Variants in AGMO observed in about 807,000 individuals in gnomAD.
The protein encoded by AGMO is glyceryl-ether monooxygenase.
In AGMO, 75 loss-of-function variants were observed where a neutral mutation model predicts 60.2. The observed-to-expected ratio is 1.25, with a 90% CI of 1.03 to 1.51. The LOEUF (loss-of-function observed/expected upper bound fraction) is 1.51. Among genes scored for constraint, AGMO ranks in the 40% most tolerant of loss-of-function variants. The pLI is 0.00. For missense variants in AGMO, 763 were observed against 525.5 expected, an observed-to-expected ratio of 1.45 and a Z score of -4.42; for synonymous variants, 261 against 177.1, an observed-to-expected ratio of 1.47 and a Z score of -3.76.
intron 10 of AGMO, among the ~76,000 whole-genome samples, chr7:15,367,992 C>T (rs1054127937): frequency 6.6e-6 from 1 of 152,074 alleles, no homozygotes; most frequent in Admixed American, 6.6e-5. Flanking sequence ...TTCATACCTT[C>T]TTAAAAACCA....
At position 15,354,350 on chromosome 7, in the gene AGMO, A is replaced by ATATAGACGTGTG. The variant is rs1249395712; in HGVS notation, c.1263+11152_1263+11163dup. Among the ~76,000 whole-genome samples, 3 of 95,778 alleles carry ATATAGACGTGTG rather than the reference A, an allele frequency of 3.1e-5. 1 individual carries two copies. Among genetic ancestry groups the ATATAGACGTGTG allele is most frequent in the Non-Finnish European group, 6.3e-5 (3 of 47,566 alleles). 62.8% of individuals were successfully genotyped at this position (95,778 alleles called of 152,430 possible). On this transcript the variant is annotated intron_variant, in intron 12 of 12. Transcript: ENST00000342526. Reference sequence around the variant, plus strand: ...CGTACGCGTGTATATACACGCGTGTATATAGACGTGTGTATATAGACGTGT... The same window carrying ATATAGACGTGTG: ...CGTACGCGTGTATATACACGCGTGTATATAGACGTGTGTATAGACGTGTGTATATAGACGTGT...
intron 12 of AGMO, among the ~76,000 whole-genome samples, chr7:15,225,152 A>G (rs1446293200): frequency 1.3e-5 from 2 of 151,712 alleles, no homozygotes; most frequent in Non-Finnish European, 2.9e-5. Context: ...ATTTTTATTT[A>G]CCATCAGACG....
At chr7:15,420,375 C>G (rs556846899) in intron 4 of AGMO, among the ~76,000 whole-genome samples, 2 of 152,122 alleles carry the variant, frequency 1.3e-5, no homozygotes, top group Non-Finnish European at 2.9e-5. Flanking sequence ...TTTTATGAAA[C>G]AGTGTGCTAA....
Position 15,437,903 on chromosome 7 carries a change from G to T in AGMO, c.410-6795C>A, listed in dbSNP as rs76454839. Among the ~76,000 whole-genome samples, 493 of 152,108 alleles carry T rather than the reference G, an allele frequency of 3.2e-3. 4 individuals are homozygous for T. The highest frequency in any genetic ancestry group is 0.031 in the Middle Eastern group (9 of 294). On this transcript the variant is annotated intron_variant, in intron 3 of 12. Transcript: ENST00000342526. ...GAGTAAGCTCCATGAGTCTTTAGGA[G>T]TCACTTTAGGATGGAGCTAAAACTG...
At chr7:15,195,601 GTTTTGAACAT>G (rs1004108910), downstream of AGMO, among the ~76,000 whole-genome samples, 19 of 152,312 alleles carry the variant, frequency 1.2e-4, no homozygotes, top group African/African-American at 4.3e-4. Context: ...TGGAACCACC[GTTTTGAACAT>G]GCCTAGTCCC....
chr7:15,258,389 T>A (rs1008940575), intron 12 of AGMO, among the ~76,000 whole-genome samples: 1 of 151,816 alleles, frequency 6.6e-6, no homozygotes, highest in African/African-American at 2.4e-5. Flanking sequence ...ACTGTCTGTA[T>A]TTAAAAATAC....
At chr7:15,165,003 T>C in the AGMO span, among the ~76,000 whole-genome samples, 3 of 152,194 alleles carry the variant, frequency 2.0e-5, no homozygotes, top group East Asian at 5.8e-4. Flanking sequence ...CATCAACAGA[T>C]TATTGGATAG....
chr7:15,457,676 A>G (rs577828359), intron 3 of AGMO, among the ~76,000 whole-genome samples: 104 of 152,298 alleles, frequency 6.8e-4, no homozygotes, highest in Non-Finnish European at 1.3e-3. Flanking sequence ...TTTAAAATAC[A>G]TATATTCTTT....
chr7:15,448,058 G>A (rs1004177777), intron 3 of AGMO, among the ~76,000 whole-genome samples: 2 of 152,206 alleles, frequency 1.3e-5, no homozygotes, highest in Non-Finnish European at 2.9e-5. Flanking sequence ...ACAATGCAGT[G>A]TGTAGGGATT....
At chr7:15,266,267 C>G (rs1457898958) in intron 12 of AGMO, among the ~76,000 whole-genome samples, 1 of 151,738 alleles carries the variant, frequency 6.6e-6, no homozygotes, top group East Asian at 1.9e-4. Flanking sequence ...TTTAGTTTTG[C>G]AAGATGAAAA....
At chr7:15,364,132 T>C (rs910683790) in intron 12 of AGMO, among the ~76,000 whole-genome samples, 3 of 151,948 alleles carry the variant, frequency 2.0e-5, no homozygotes, top group Admixed American at 2.0e-4. Context: ...ATTATATATA[T>C]AATGTGTATA....
chr7:15,512,528 C>T (rs192271296), intron 3 of AGMO, among the ~76,000 whole-genome samples: 4 of 152,330 alleles, frequency 2.6e-5, no homozygotes, highest in East Asian at 3.9e-4. Flanking sequence ...GCTGAGATTA[C>T]AGGCGTGAAC....
chr7:15,466,856 C>T (rs923837868), intron 3 of AGMO, among the ~76,000 whole-genome samples: 3 of 151,984 alleles, frequency 2.0e-5, no homozygotes, highest in Non-Finnish European at 2.9e-5. Flanking sequence ...CCATACTTTG[C>T]GTTAATTGTA....
At chr7:15,387,864 C>G (rs1360185267) in intron 8 of AGMO, among the ~76,000 whole-genome samples, 1 of 151,440 alleles carries the variant, frequency 6.6e-6, no homozygotes, top group East Asian at 1.9e-4. Context: ...AATTAACTAG[C>G]ACCCTGTGCA....
chr7:15,209,040 G>A (rs1414343686), intron 12 of AGMO, among the ~76,000 whole-genome samples: 1 of 152,114 alleles, frequency 6.6e-6, no homozygotes, highest in Non-Finnish European at 1.5e-5. Context: ...AAATTATCAA[G>A]AAAATAATTC....
intron 12 of AGMO, among the ~76,000 whole-genome samples, chr7:15,342,901 TTAA>T (rs1294602078): frequency 6.6e-6 from 1 of 151,764 alleles, no homozygotes; most frequent in Non-Finnish European, 1.5e-5. Flanking sequence ...AGAAGTGTGG[TTAA>T]TAATAGGTAC....
chr7:15,387,700 A>C (rs1783973848), intron 8 of AGMO, among the ~76,000 whole-genome samples, 160 bp from the exon 9 acceptor site: 1 of 152,194 alleles, frequency 6.6e-6, no homozygotes, highest in African/African-American at 2.4e-5. Flanking sequence ...TCCATGCTGT[A>C]ATCTATTCTA....
chr7:15,512,532 C>T (rs1428662215), intron 3 of AGMO, among the ~76,000 whole-genome samples: 1 of 152,184 alleles, frequency 6.6e-6, no homozygotes. Flanking sequence ...AGATTACAGG[C>T]GTGAACCACT....
At chr7:15,329,203 A>G (rs1349527826) in intron 12 of AGMO, among the ~76,000 whole-genome samples, 3 of 152,192 alleles carry the variant, frequency 2.0e-5, no homozygotes, top group East Asian at 3.9e-4. Flanking sequence ...GGGCTTCGAT[A>G]TTCGTCTGTA....
Sources: allele counts gnomAD v4.1 joint callset (sites outside exome capture counted in the v4.1 genomes callset), GRCh38; gene constraint gnomAD v4.1.1; transcripts MANE v1.5; gene names NCBI Gene and HGNC (gene_info 2026-07-23, HGNC 2026-07-21).